Variants in AHRR observed in about 807,000 individuals in gnomAD.
AHRR encodes the protein aryl hydrocarbon receptor repressor.
In AHRR, 28 loss-of-function variants were observed where a neutral mutation model predicts 44.0. That is an observed-to-expected ratio of 0.64 (90% CI 0.47 to 0.87). The LOEUF is 0.87. Among genes scored for constraint, AHRR ranks in the 40% least tolerant of loss-of-function variants. The pLI is 0.00. For synonymous variants in AHRR, 434 were observed against 407.0 expected (o/e 1.07, Z -0.80); for missense variants, 990 against 953.9 (o/e 1.04, Z -0.50).
In AHRR at chr5:422,844, C is replaced by T. The variant is rs769138293; in HGVS notation, c.557C>T (p.Pro186Leu). The T allele has an allele frequency of 2.6e-5, 42 of 1,612,222 alleles. No homozygotes were observed. In the East Asian group the frequency reaches 6.7e-4, roughly 26 times the overall value. Residue 186 changes from proline (P) to leucine (L), a missense_variant, in exon 6 of 11, where the codon CCG becomes CTG. Transcript: ENST00000684583. ...DPPQVVFGQP[P>L]PLETGDDAIL... The stretch of plus-strand genomic sequence containing the variant: ...CCCCAGGTGGTGTTTGGGCAGCCCC[C>T]GCCCTTGGAGACAGGTGGGTGTCTG...
chr5:398,081 C>T (rs867613885), intron 4 of AHRR, among the ~76,000 whole-genome samples: 4,176 of 121,972 alleles, frequency 0.034, 146 homozygotes, highest in Non-Finnish European at 0.05. Flanking sequence ...TGACCATCCA[C>T]GTAGCCCCTG....
rs766286347 is a variant in AHRR, at chr5:422,874, C to A, written c.571+16C>A. 5.0e-6 allele frequency: 8 copies of A among 1,601,202 alleles called. No individual in the cohort carries two copies. The Admixed American group carries it at 1.2e-4, about 24-fold the overall frequency. On this transcript the variant is annotated intron_variant, in intron 6 of 10. Transcript: ENST00000684583. ...TTGGAGACAGGTGGGTGTCTGGGGTCCAAGTGAGTCAGCAAAACCTAAAGC... is the reference window on the plus strand; with the variant it reads ...TTGGAGACAGGTGGGTGTCTGGGGTACAAGTGAGTCAGCAAAACCTAAAGC...
chr5:424,938 C>T (rs112308870), intron 7 of AHRR, among the ~76,000 whole-genome samples: 116 of 152,358 alleles, frequency 7.6e-4, no homozygotes, highest in African/African-American at 2.8e-3. Context: ...ACTGTGGTCC[C>T]CCTGGCCACA....
At chr5:373,342 C>T (rs1461412914) in intron 3 of AHRR, among the ~76,000 whole-genome samples, 2 of 152,246 alleles carry the variant, frequency 1.3e-5, no homozygotes, top group Non-Finnish European at 2.9e-5. Flanking sequence ...CCTGGCAGGG[C>T]CCCTCTCTGC....
intron 10 of AHRR, 117 bp from the exon 11 acceptor site, chr5:433,736 G>T: frequency 8.1e-7 from 1 of 1,232,894 alleles, no homozygotes; most frequent in Non-Finnish European, 1.1e-6. Context: ...CGGTGTAGCA[G>T]CCTTGGCAGA....
At chr5:352,691 T>C (rs1485429565) in intron 2 of AHRR, among the ~76,000 whole-genome samples, 299 of 139,052 alleles carry the variant, frequency 2.2e-3, no homozygotes, top group African/African-American at 7.0e-3. Flanking sequence ...CTGTAGGGGA[T>C]GGTCACTGTG....
intron 10 of AHRR, 121 bp downstream of exon 10, chr5:433,068 A>C (rs1579717099): frequency 8.0e-7 from 1 of 1,244,728 alleles, no homozygotes. Flanking sequence ...AGCCTTGGCC[A>C]CCACACGAGC....
intron 2 of AHRR, among the ~76,000 whole-genome samples, chr5:349,438 G>A (rs781437722): frequency 1.1e-4 from 17 of 152,066 alleles, no homozygotes; most frequent in Non-Finnish European, 2.4e-4. Context: ...AAATTAGCCG[G>A]GCACGGTGGC....
At chr5:361,803 A>C (rs891325167) in intron 3 of AHRR, among the ~76,000 whole-genome samples, 4 of 152,232 alleles carry the variant, frequency 2.6e-5, no homozygotes, top group Non-Finnish European at 5.9e-5. Flanking sequence ...GCTGGAGAGC[A>C]GGTCTGCTTT....
chr5:367,547 T>A (rs1258492168), intron 3 of AHRR, among the ~76,000 whole-genome samples: 1 of 152,178 alleles, frequency 6.6e-6, no homozygotes, highest in Admixed American at 6.5e-5. Context: ...GGCCTGAATA[T>A]GGCAGCGCCA....
chr5:349,914 C>G (rs1742804449), intron 2 of AHRR, among the ~76,000 whole-genome samples: 1 of 152,158 alleles, frequency 6.6e-6, no homozygotes, highest in African/African-American at 2.4e-5. Flanking sequence ...AGTAAATTGT[C>G]CAATGAAGAC....
chr5:336,650 G>A (rs1742138771), intron 1 of AHRR, among the ~76,000 whole-genome samples: 1 of 144,446 alleles, frequency 6.9e-6, no homozygotes, highest in African/African-American at 2.9e-5. Context: ...TTTTGATGAA[G>A]TCCAATTTAT....
At chr5:345,806 G>A (rs1410541154) in intron 2 of AHRR, among the ~76,000 whole-genome samples, 2 of 152,062 alleles carry the variant, frequency 1.3e-5, no homozygotes, top group East Asian at 3.8e-4. Context: ...GAGGAGCTGG[G>A]GCTGGGAAAC....
chr5:430,037 C>T (rs1736652713), intron 8 of AHRR, among the ~76,000 whole-genome samples: 1 of 152,194 alleles, frequency 6.6e-6, no homozygotes, highest in African/African-American at 2.4e-5. Context: ...GCTGTGCAGA[C>T]CGGAGCAGAC....
intron 3 of AHRR, among the ~76,000 whole-genome samples, chr5:354,883 G>A (rs900734549): frequency 1.1e-4 from 16 of 152,174 alleles, no homozygotes; most frequent in African/African-American, 3.6e-4. Context: ...AGGGAAGGAC[G>A]TGGCCCATGG....
chr5:422,482 C>G (rs41282619), intron 5 of AHRR: 41,239 of 524,532 alleles, frequency 0.079, 1,863 homozygotes, highest in Admixed American at 0.13. Context: ...CCGCTTGCCC[C>G]GAAAGGCTGG....
In AHRR at chr5:343,978, C is replaced by T. The variant is rs2126363511; in HGVS notation, c.62+14C>T. 1 of 1,593,668 alleles carries T rather than the reference C, an allele frequency of 6.3e-7. No individual in the cohort carries two copies. The highest frequency in any genetic ancestry group is 8.5e-7 in the Non-Finnish European group (1 of 1,171,112). Reference sequence around the variant, plus strand: ...CCTGCAGAAACAGTAAAGTATCCCGCCTTCTGCTTGTGTGGGTTGTTGCAC... The same window carrying T: ...CCTGCAGAAACAGTAAAGTATCCCGTCTTCTGCTTGTGTGGGTTGTTGCAC... On this transcript the variant is annotated intron_variant, in intron 2 of 10. Transcript: ENST00000684583.
chr5:399,856 CTG>C (rs1237497194), intron 4 of AHRR, among the ~76,000 whole-genome samples: 8 of 152,268 alleles, frequency 5.3e-5, no homozygotes, highest in African/African-American at 1.9e-4. Context: ...TTCTCAAGAA[CTG>C]TTTTCAAATG....
chr5:410,795 A>T (rs1735440140), intron 4 of AHRR, among the ~76,000 whole-genome samples: 1 of 152,134 alleles, frequency 6.6e-6, no homozygotes, highest in Non-Finnish European at 1.5e-5. Context: ...CTTTGTAGGA[A>T]AGTTTTGATT....
Sources: allele counts gnomAD v4.1 joint callset (sites outside exome capture counted in the v4.1 genomes callset), GRCh38; gene constraint gnomAD v4.1.1; transcripts MANE v1.5; gene names NCBI Gene and HGNC (gene_info 2026-07-23, HGNC 2026-07-21).